NUDT3: variants seen among roughly 807,000 people sequenced by gnomAD.
NUDT3 encodes the protein nudix hydrolase 3.
A neutral mutation model predicts 23.6 loss-of-function variants in NUDT3; 9 were observed. The observed-to-expected ratio is 0.38, with a 90% confidence interval of 0.23 to 0.66. NUDT3 has a LOEUF of 0.66. NUDT3 is among the 30% of genes least tolerant of loss of function. NUDT3 has a pLI of 0.52. For synonymous variants in NUDT3, 86 were observed against 82.6 expected (o/e 1.04, Z -0.22); for missense variants, 172 against 218.5 (o/e 0.79, Z 1.34).
intron 1 of NUDT3, among the ~76,000 whole-genome samples, chr6:34,359,415 C>T (rs1764614106): frequency 1.3e-5 from 2 of 152,014 alleles, no homozygotes; most frequent in Admixed American, 6.6e-5. Flanking sequence ...ACCTATTTAG[C>T]AGTTATTCCC....
intron 1 of NUDT3, among the ~76,000 whole-genome samples, chr6:34,387,989 T>C (rs2840286): frequency 1 from 151,889 of 152,224 alleles, 75,778 homozygotes; most frequent in Middle Eastern, 1. Flanking sequence ...ATAATAAGTG[T>C]CCTGGTCAGG....
intron 3 of NUDT3, among the ~76,000 whole-genome samples, chr6:34,293,939 A>C (rs1763461516): frequency 1.3e-5 from 2 of 152,096 alleles, no homozygotes; most frequent in Non-Finnish European, 2.9e-5. Context: ...ACACACACAC[A>C]CACCCACCCA....
intron 1 of NUDT3, among the ~76,000 whole-genome samples, chr6:34,368,098 G>A (rs367986179): frequency 1.7e-4 from 26 of 152,338 alleles, no homozygotes; most frequent in Non-Finnish European, 2.6e-4. Flanking sequence ...CTACTCGGGA[G>A]GCTGAGGCAG....
chr6:34,297,759 A>ATTTTT (rs60517827), intron 2 of NUDT3, among the ~76,000 whole-genome samples: 21 of 71,092 alleles, frequency 3.0e-4, no homozygotes, highest in Middle Eastern at 9.8e-3. Flanking sequence ...ATATATATAT[A>ATTTTT]ATTTTTTTTT....
chr6:34,346,021 G>A (rs1195839503), intron 1 of NUDT3, among the ~76,000 whole-genome samples: 1 of 151,528 alleles, frequency 6.6e-6, no homozygotes, highest in Non-Finnish European at 1.5e-5. Context: ...CGCCCGCCTT[G>A]GCCTCCCAAA....
chr6:34,321,942 T>C (rs535083792), intron 2 of NUDT3, among the ~76,000 whole-genome samples: 1 of 152,326 alleles, frequency 6.6e-6, no homozygotes, highest in African/African-American at 2.4e-5. Flanking sequence ...AATTAGTTTG[T>C]TTTTGTTGTT....
chr6:34,387,838 T>C (rs192784491), intron 1 of NUDT3, among the ~76,000 whole-genome samples: 2 of 152,254 alleles, frequency 1.3e-5, no homozygotes, highest in Admixed American at 1.3e-4. Flanking sequence ...TAAGCTAAGG[T>C]TAATTTATTA....
chr6:34,377,896 G>A (rs2113765197), intron 1 of NUDT3, among the ~76,000 whole-genome samples: 1 of 152,062 alleles, frequency 6.6e-6, no homozygotes, highest in East Asian at 1.9e-4. Context: ...TAAAAACACT[G>A]GCGTTCAGGC....
In NUDT3 at chr6:34,295,698, A is replaced by G. The variant is rs779758998; in HGVS notation, c.211-13T>C. The G allele has an allele frequency of 6.2e-7, 1 of 1,613,706 alleles. No homozygotes were observed. The highest frequency in any genetic ancestry group is 8.5e-7 in the Non-Finnish European group (1 of 1,179,818). On this transcript the variant is annotated splice_polypyrimidine_tract_variant and intron_variant, in intron 2 of 4. Transcript: ENST00000607016. ...CTTTTACTCCAGCCTAGAAAGTGAA[A>G]AGAACAATTAATGCACTGATAGTAT... is the stretch of plus-strand genomic sequence containing the variant.
intron 1 of NUDT3, among the ~76,000 whole-genome samples, chr6:34,378,844 AAATC>A (rs1385212923): frequency 2.6e-5 from 4 of 152,260 alleles, no homozygotes; most frequent in East Asian, 1.9e-4. Flanking sequence ...TATGCCAGAA[AAATC>A]AATCATTCAA....
intron 1 of NUDT3, among the ~76,000 whole-genome samples, chr6:34,383,017 C>T (rs929719867): frequency 1.3e-5 from 2 of 151,478 alleles, no homozygotes; most frequent in African/African-American, 4.8e-5. Flanking sequence ...ATCCCAGCTA[C>T]TCGGGAGGCT....
chr6:34,315,944 A>C (rs1203653869), intron 2 of NUDT3, among the ~76,000 whole-genome samples: 1 of 152,078 alleles, frequency 6.6e-6, no homozygotes, highest in Non-Finnish European at 1.5e-5. Flanking sequence ...GTCATGGAGG[A>C]GCTCTCGTCA....
chr6:34,296,270 AAAAT>A (rs1763497987), intron 2 of NUDT3, among the ~76,000 whole-genome samples: 1 of 152,002 alleles, frequency 6.6e-6, no homozygotes, highest in South Asian at 2.1e-4. Flanking sequence ...CCATGTCTCA[AAAAT>A]AAATAAATTA....
At chr6:34,354,394 A>AACAC (rs370168110) in intron 1 of NUDT3, among the ~76,000 whole-genome samples, 9,904 of 137,574 alleles carry the variant, frequency 0.072, 501 homozygotes, top group African/African-American at 0.14. Context: ...GATTTCATTA[A>AACAC]ACACACACAC....
intron 1 of NUDT3, among the ~76,000 whole-genome samples, chr6:34,378,107 G>A (rs113963365): frequency 0.017 from 2,622 of 150,032 alleles, 56 homozygotes; most frequent in African/African-American, 0.053. Flanking sequence ...AGGAGTTTGA[G>A]ACTAGCCTAG....
chr6:34,314,549 A>G (rs1763830037), intron 2 of NUDT3, among the ~76,000 whole-genome samples: 6 of 147,284 alleles, frequency 4.1e-5, no homozygotes. Flanking sequence ...ACAGAGTGAG[A>G]CTCTGTCTCA....
At chr6:34,390,972 TTA>T (rs1211923439) in intron 1 of NUDT3, among the ~76,000 whole-genome samples, 1 of 152,212 alleles carries the variant, frequency 6.6e-6, no homozygotes, top group Non-Finnish European at 1.5e-5. Flanking sequence ...TTGGGGACTT[TTA>T]CAATATATGG....
Position 34,379,995 on chromosome 6 carries a change from C to G in NUDT3, c.99+12269G>C, listed in dbSNP as rs183491706. 3.5e-3 allele frequency among the ~76,000 whole-genome samples: 537 copies of G among 151,432 alleles called. 5 individuals are homozygous for G. The highest frequency in any genetic ancestry group is 7.6e-3 in the Admixed American group (116 of 15,220). ...ACACTCCAGCATGGACAAGAGTGAACTCCATCTTAAAAAAAAAAAATAGTA... is the reference window on the plus strand; with the variant it reads ...ACACTCCAGCATGGACAAGAGTGAAGTCCATCTTAAAAAAAAAAAATAGTA... On this transcript the variant is annotated intron_variant, in intron 1 of 4. Transcript: ENST00000607016.
intron 1 of NUDT3, among the ~76,000 whole-genome samples, chr6:34,344,190 G>A (rs918373563): frequency 6.6e-6 from 1 of 152,012 alleles, no homozygotes; most frequent in South Asian, 2.1e-4. Context: ...TCCACTGCTA[G>A]GTATACAACC....
Sources: allele counts gnomAD v4.1 joint callset (sites outside exome capture counted in the v4.1 genomes callset), GRCh38; gene constraint gnomAD v4.1.1; transcripts MANE v1.5; gene names NCBI Gene and HGNC (gene_info 2026-07-23, HGNC 2026-07-21).